The following CERS6 variants were observed in gnomAD, a reference collection of about 807,000 sequenced individuals.
CERS6 encodes LAG1 homolog, ceramide synthase 6.
In CERS6, 26 loss-of-function variants were observed where a neutral mutation model predicts 56.8. The observed-to-expected ratio is 0.46, with a 90% CI of 0.34 to 0.63. The LOEUF is 0.63. CERS6 is among the 30% of genes least tolerant of loss of function. The pLI is 0.01. For missense variants in CERS6, 415 were observed against 467.5 expected (o/e 0.89, Z 1.04); for synonymous variants, 164 against 173.3 (o/e 0.95, Z 0.42).
chr2:168,652,011 C>G (rs1233755107), intron 4 of CERS6, among the ~76,000 whole-genome samples: 1 of 151,360 alleles, frequency 6.6e-6, no homozygotes, highest in African/African-American at 2.4e-5. Context: ...CATACATTAT[C>G]TCTTTCTCTC....
chr2:168,769,704 T>C lies in CERS6; in HGVS notation c.*42T>C, dbSNP rs764877283. On this transcript the variant is annotated 3_prime_UTR_variant, in exon 10 of 10. Transcript: ENST00000305747. ...GTCCCAAGCAAAGTGAACTATTTGT[T>C]CCTGGAAGTATTTAATAAGTTGCAA... 2.5e-6 allele frequency: 4 copies of C among 1,589,952 alleles called. No individual in the cohort carries two copies. The Admixed American group carries it at 7.3e-5, about 29-fold the overall frequency.
In CERS6 at chr2:168,771,441, G is replaced by A. The variant is rs1016748615; in HGVS notation, c.*1779G>A. The A allele has an allele frequency of 2.0e-5, 3 of 152,154 alleles. No individual in the cohort carries two copies. Among genetic ancestry groups the A allele is most frequent in the Non-Finnish European group, 4.4e-5 (3 of 68,024 alleles). The allele number at this position is 152,154 out of a possible 1,614,324, so 9.4% of individuals were successfully genotyped here. On this transcript the variant is annotated 3_prime_UTR_variant, in exon 10 of 10. Transcript: ENST00000305747. ...TCTGCTTGTTTATTGAGAAAACGAT[G>A]CAAATAATTCTGCTTTTAGAGCCTT...
intron 3 of CERS6, among the ~76,000 whole-genome samples, chr2:168,616,782 A>G (rs1013873045): frequency 2.0e-5 from 3 of 152,236 alleles, no homozygotes; most frequent in East Asian, 1.9e-4. Context: ...CAACACAGTA[A>G]TAGTGGGGAC....
intron 1 of CERS6, among the ~76,000 whole-genome samples, chr2:168,538,386 C>G (rs1459324302): frequency 6.6e-6 from 1 of 152,160 alleles, no homozygotes; most frequent in East Asian, 1.9e-4. Context: ...TTCAGCATCT[C>G]AATCAGACTC....
intron 3 of CERS6, among the ~76,000 whole-genome samples, chr2:168,616,761 G>T (rs13404526): frequency 0.29 from 44,518 of 152,010 alleles, 7,391 homozygotes; most frequent in African/African-American, 0.45. Context: ...CCTAAGAAAC[G>T]AGATAGATGG....
chr2:168,589,642 T>A (rs553010300), intron 3 of CERS6, among the ~76,000 whole-genome samples: 3 of 152,350 alleles, frequency 2.0e-5, no homozygotes, highest in Non-Finnish European at 2.9e-5. Flanking sequence ...TGTATTTTTT[T>A]AAATATAATT....
At chr2:168,643,548 A>G (rs1685095738) in intron 4 of CERS6, among the ~76,000 whole-genome samples, 1 of 152,196 alleles carries the variant, frequency 6.6e-6, no homozygotes, top group Non-Finnish European at 1.5e-5. Context: ...GCACCATTCT[A>G]TACATCACTT....
At chr2:168,458,127 C>T (rs554882274) in intron 1 of CERS6, among the ~76,000 whole-genome samples, 2 of 152,112 alleles carry the variant, frequency 1.3e-5, no homozygotes, top group African/African-American at 2.4e-5. Context: ...TTTGCAGGCT[C>T]TCCAAAAACA....
chr2:168,583,555 C>T (rs1006743919), intron 3 of CERS6, among the ~76,000 whole-genome samples: 2 of 152,146 alleles, frequency 1.3e-5, no homozygotes, highest in African/African-American at 4.8e-5. Flanking sequence ...GGGTGGCCTC[C>T]CTGGGTCTTA....
chr2:168,716,278 C>T (rs372290275), intron 7 of CERS6, among the ~76,000 whole-genome samples: 8 of 152,200 alleles, frequency 5.3e-5, no homozygotes, highest in African/African-American at 1.9e-4. Flanking sequence ...AGTATAAGGG[C>T]AATCCCCTGG....
intron 1 of CERS6, among the ~76,000 whole-genome samples, chr2:168,513,061 C>T (rs1694817351): frequency 6.6e-6 from 1 of 152,052 alleles, no homozygotes; most frequent in Admixed American, 6.5e-5. Context: ...TTTAGTTCTC[C>T]TTGGTTACCC....
rs938091053 is a variant in CERS6 at position 168,675,914 on chromosome 2, T to C, written c.466-15120T>C. ...GTTGGCCAGGATGGTCTCAATCTCT[T>C]GACCTTGTGATCTGCCCACCTCGGC... is the stretch of plus-strand genomic sequence containing the variant. On this transcript the variant is annotated intron_variant, in intron 4 of 9. Coordinates refer to ENST00000305747, the MANE Select transcript of CERS6 (RefSeq NM_203463.3). Among the ~76,000 whole-genome samples, 39 of 152,098 alleles carry C rather than the reference T, an allele frequency of 2.6e-4. 1 individual carries two copies. Among genetic ancestry groups the C allele is most frequent in the Admixed American group, 2.5e-3 (38 of 15,284 alleles).
At chr2:168,459,866 A>T (rs1339347720) in intron 1 of CERS6, among the ~76,000 whole-genome samples, 1 of 152,198 alleles carries the variant, frequency 6.6e-6, no homozygotes, top group Non-Finnish European at 1.5e-5. Flanking sequence ...TTGCTGTGGT[A>T]TTTATAAATG....
At chr2:168,521,917 A>G (rs1694989141) in intron 1 of CERS6, among the ~76,000 whole-genome samples, 1 of 152,344 alleles carries the variant, frequency 6.6e-6, no homozygotes, top group African/African-American at 2.4e-5. Context: ...TGTTAGAAGC[A>G]GTTTTTCAAA....
At chr2:168,694,884 A>G in intron 5 of CERS6, 75 bp from the exon 6 acceptor site, 1 of 1,132,926 alleles carries the variant, frequency 8.8e-7, no homozygotes. Flanking sequence ...TTGAGCAGTG[A>G]GCTTGAGATG....
At chr2:168,600,481 G>C (rs13384812) in intron 3 of CERS6, among the ~76,000 whole-genome samples, 19,607 of 152,180 alleles carry the variant, frequency 0.13, 2,468 homozygotes, top group African/African-American at 0.33. Flanking sequence ...TGGGATTACA[G>C]GCGTGAGCCA....
chr2:168,697,881 C>T (rs1645646065), intron 6 of CERS6, among the ~76,000 whole-genome samples: 1 of 152,170 alleles, frequency 6.6e-6, no homozygotes. Context: ...CCAAAAGTTA[C>T]CAAGTCCCTG....
chr2:168,700,333 G>A (rs774948927), intron 6 of CERS6, among the ~76,000 whole-genome samples: 14 of 152,140 alleles, frequency 9.2e-5, no homozygotes, highest in African/African-American at 1.7e-4. Context: ...TTAATCTTAC[G>A]AGGAAGCAGC....
At chr2:168,490,223 A>G (rs1694345758) in intron 1 of CERS6, among the ~76,000 whole-genome samples, 1 of 152,076 alleles carries the variant, frequency 6.6e-6, no homozygotes, top group African/African-American at 2.4e-5. Flanking sequence ...AATTGTGCTG[A>G]TTCATGTTCA....
Sources: gnomAD v4.1 joint callset for allele counts (sites outside exome capture counted in the v4.1 genomes callset) on GRCh38, gnomAD v4.1.1 for gene constraint, MANE v1.5 for transcripts, NCBI Gene and HGNC (gene_info 2026-07-23, HGNC 2026-07-21) for gene names.